Variants in SENP7 observed in about 807,000 individuals in gnomAD.
SENP7 encodes the protein sentrin-specific protease 7.
A neutral mutation model predicts 141.2 loss-of-function variants in SENP7; 64 were observed. The ratio of observed to expected loss-of-function variants is 0.45; its 90% confidence interval spans 0.37 to 0.56. SENP7 has a LOEUF of 0.56. Among genes scored for constraint, SENP7 ranks in the 20% least tolerant of loss-of-function variants. The pLI is 0.00. For synonymous variants in SENP7, 382 were observed against 426.4 expected, an observed-to-expected ratio of 0.90 and a Z score of 1.28; for missense variants, 1,025 against 1,212.2, an observed-to-expected ratio of 0.85 and a Z score of 2.29.
At chr3:101,371,055 C>T (rs1490990957) in intron 7 of SENP7, among the ~76,000 whole-genome samples, 1 of 152,066 alleles carries the variant, frequency 6.6e-6, no homozygotes, top group Non-Finnish European at 1.5e-5. Flanking sequence ...TTTGGGAAGC[C>T]GAGGCAGGCA....
chr3:101,495,677 C>CTGG (rs2065133717), intron 2 of SENP7, among the ~76,000 whole-genome samples: 1 of 152,200 alleles, frequency 6.6e-6, no homozygotes, highest in Non-Finnish European at 1.5e-5. Flanking sequence ...CATGTTCTCA[C>CTGG]TTTTAAGTGG....
chr3:101,464,860 G>A (rs1310496010), intron 3 of SENP7, among the ~76,000 whole-genome samples: 1 of 152,128 alleles, frequency 6.6e-6, no homozygotes, highest in Non-Finnish European at 1.5e-5. Flanking sequence ...AAAGGGGTAA[G>A]TGGATCTGGA....
intron 4 of SENP7, among the ~76,000 whole-genome samples, chr3:101,448,254 A>G (rs983255955): frequency 6.6e-6 from 1 of 152,230 alleles, no homozygotes; most frequent in African/African-American, 2.4e-5. Flanking sequence ...GGACTTCATC[A>G]AAATTTAAAA....
chr3:101,426,074 T>C (rs578212365), intron 4 of SENP7, among the ~76,000 whole-genome samples: 10 of 152,302 alleles, frequency 6.6e-5, no homozygotes, highest in South Asian at 6.2e-4. Context: ...GTAACCAACA[T>C]GGAAAACATA....
At position 101,345,513 on chromosome 3, in the gene SENP7, T is replaced by C. The variant is rs367881577; in HGVS notation, c.1838-1559A>G. On this transcript the variant is annotated intron_variant, in intron 13 of 23. Coordinates refer to ENST00000394095, the MANE Select transcript of SENP7 (RefSeq NM_020654.5). ...TTTTTTGCAGCTGTTGTAAAAGGGG[T>C]TGAGTTCTTGATTTGATTCTCAATT... Among the ~76,000 whole-genome samples, 8 of 152,232 alleles carry C rather than the reference T, an allele frequency of 5.3e-5. No homozygotes were observed. In the East Asian group the frequency reaches 7.7e-4, roughly 15 times the overall value.
chr3:101,512,625 C>G (rs1262231068), intron 1 of SENP7, among the ~76,000 whole-genome samples: 1 of 152,136 alleles, frequency 6.6e-6, no homozygotes, highest in Non-Finnish European at 1.5e-5. Flanking sequence ...GCAAGCCCCA[C>G]CTTTCCTCCC....
At chr3:101,470,407 G>A (rs772519895) in intron 3 of SENP7, among the ~76,000 whole-genome samples, 12 of 152,062 alleles carry the variant, frequency 7.9e-5, no homozygotes, top group Non-Finnish European at 1.6e-4. Context: ...CAAAAACCAC[G>A]ATTATCTCAA....
chr3:101,355,510 C>T (rs1424973486), intron 11 of SENP7, among the ~76,000 whole-genome samples: 1 of 152,120 alleles, frequency 6.6e-6, no homozygotes, highest in African/African-American at 2.4e-5. Flanking sequence ...TGTCAAAGAT[C>T]AGATGGTCAT....
chr3:101,494,628 C>T (rs112110889), intron 2 of SENP7, among the ~76,000 whole-genome samples: 8 of 152,236 alleles, frequency 5.3e-5, no homozygotes, highest in African/African-American at 1.9e-4. Flanking sequence ...ACAGAGAACT[C>T]TGAAATAAGA....
intron 10 of SENP7, chr3:101,363,065 A>G (rs990967762): frequency 2.0e-6 from 1 of 490,866 alleles, no homozygotes; most frequent in Admixed American, 6.4e-5. Flanking sequence ...CGCAAATGTG[A>G]CTAATCCTTA....
At position 101,417,589 on chromosome 3, in the gene SENP7, AT is replaced by A. The variant is rs1343194555; in HGVS notation, c.482+3del. 6.2e-7 allele frequency: 1 copy of A among 1,606,246 alleles called. No homozygotes were observed. ...TTGAACAAAATCAATACTGAACAAC[AT>A]ACCTTTCAGATAAATTAAGGCTTTG... On this transcript the variant is annotated splice_donor_region_variant and intron_variant, in intron 5 of 23. Transcript: ENST00000394095.
chr3:101,498,774 C>T (rs1300002839), intron 2 of SENP7, among the ~76,000 whole-genome samples: 1 of 152,116 alleles, frequency 6.6e-6, no homozygotes, highest in African/African-American at 2.4e-5. Flanking sequence ...GCCTGCACTA[C>T]CCCTCCTGTC....
chr3:101,392,468 C>T (rs2317745), intron 6 of SENP7, among the ~76,000 whole-genome samples: 48,634 of 151,744 alleles, frequency 0.32, 8,298 homozygotes, highest in Non-Finnish European at 0.38. Flanking sequence ...AAAATAACTA[C>T]GAATAAATTT....
intron 1 of SENP7, among the ~76,000 whole-genome samples, chr3:101,505,987 A>C (rs2065588840): frequency 1.3e-5 from 2 of 150,782 alleles, no homozygotes; most frequent in South Asian, 4.2e-4. Flanking sequence ...TAAAAGCATA[A>C]CTTTTCCCAC....
chr3:101,342,369 T>C (rs954761227), intron 14 of SENP7, among the ~76,000 whole-genome samples: 2 of 152,224 alleles, frequency 1.3e-5, no homozygotes, highest in Non-Finnish European at 2.9e-5. Flanking sequence ...TTGGCAGAGA[T>C]ATACAAGCTA....
At chr3:101,327,203 G>A (rs2058924853) in intron 23 of SENP7, among the ~76,000 whole-genome samples, 2 of 151,918 alleles carry the variant, frequency 1.3e-5, no homozygotes, top group African/African-American at 2.4e-5. Flanking sequence ...CCTGTAACAT[G>A]TGCCTGCCTC....
intron 6 of SENP7, among the ~76,000 whole-genome samples, chr3:101,373,676 GA>G (rs2060240680): frequency 6.6e-6 from 1 of 152,158 alleles, no homozygotes; most frequent in African/African-American, 2.4e-5. Context: ...TAGTTGGCAT[GA>G]AACCAAAAAT....
At chr3:101,385,534 C>T (rs144589838) in intron 6 of SENP7, among the ~76,000 whole-genome samples, 379 of 152,296 alleles carry the variant, frequency 2.5e-3, no homozygotes, top group African/African-American at 8.9e-3. Flanking sequence ...CCTGCAACCC[C>T]GTCCAACTGC....
rs750096321 is a variant in SENP7, at chr3:101,366,649, T to C, written c.1099A>G (p.Lys367Glu). Residue 367 changes from lysine to glutamate, a missense_variant, in exon 9 of 24, where the codon AAA (lysine) becomes GAA (glutamate). Lys to Glu is a moderately conservative substitution (Grantham distance 56). This residue lies in a region of SENP7 where 496 missense variants were observed against 503.5 expected (regional missense o/e 0.99). Transcript: ENST00000394095. ...TTKPTKSDFT[K>E]LSSLNSQELT... ...TCCTGACTGTTAAGTGAGGATAGTT[T>C]AGTAAAATCACTTTTTGTAGGTTTA... 3 of 1,613,888 alleles carry C rather than the reference T, an allele frequency of 1.9e-6. No homozygotes were observed. Among genetic ancestry groups the C allele is most frequent in the East Asian group, 2.2e-5 (1 of 44,870 alleles).
Sources: allele counts gnomAD v4.1 joint callset (sites outside exome capture counted in the v4.1 genomes callset), GRCh38; gene constraint gnomAD v4.1.1; regional missense constraint gnomAD v4.1.1; transcripts MANE v1.5; gene names NCBI Gene and HGNC (gene_info 2026-07-23, HGNC 2026-07-21).